RPS6KA2: variants seen among roughly 807,000 people sequenced by gnomAD.
RPS6KA2 encodes the protein ribosomal protein S6 kinase A2.
Under a neutral mutation model 91.8 loss-of-function variants are expected in RPS6KA2, and 42 were observed. The observed-to-expected ratio is 0.46, with a 90% confidence interval of 0.36 to 0.59. The LOEUF is 0.59. Among genes scored for constraint, RPS6KA2 ranks in the 20% least tolerant of loss-of-function variants. The probability of loss-of-function intolerance (pLI) is 0.00; values close to 1 mark genes in which losing one functional copy is unlikely to be tolerated. For missense variants in RPS6KA2, 798 were observed against 978.5 expected (o/e 0.82, Z 2.46); for synonymous variants, 414 against 393.6 (o/e 1.05, Z -0.61).
chr6:166,854,311 G>A (rs971140073), intron 2 of RPS6KA2, among the ~76,000 whole-genome samples: 2 of 152,156 alleles, frequency 1.3e-5, no homozygotes, highest in Non-Finnish European at 1.5e-5. Context: ...GCACAGAACC[G>A]TAACGTGAGG....
chr6:166,452,884 T>C (rs1420653342), intron 12 of RPS6KA2, among the ~76,000 whole-genome samples: 1 of 152,140 alleles, frequency 6.6e-6, no homozygotes, highest in Non-Finnish European at 1.5e-5. Flanking sequence ...CTTTAGGACA[T>C]GGGTCTAGCG....
chr6:166,831,730 T>C (rs1780186769), intron 2 of RPS6KA2, among the ~76,000 whole-genome samples: 1 of 150,748 alleles, frequency 6.6e-6, no homozygotes, highest in Admixed American at 6.6e-5. Context: ...AAATTGTATT[T>C]TACCACATCT....
chr6:166,669,589 T>C (rs1788415916), intron 2 of RPS6KA2, among the ~76,000 whole-genome samples: 1 of 152,180 alleles, frequency 6.6e-6, no homozygotes, highest in Non-Finnish European at 1.5e-5. Flanking sequence ...TGCAAGACTG[T>C]CTAGTAGCCT....
chr6:166,696,075 T>G lies in RPS6KA2; in HGVS notation c.124-157291A>C, dbSNP rs575523420. On this transcript the variant is annotated intron_variant, in intron 2 of 21. Transcript: ENST00000503859. Reference sequence around the variant, plus strand: ...CCCCTCTTCCACGGAAACATTGTCTTCCACGAAACCGGTCCCTGATGTCAA... The same window carrying G: ...CCCCTCTTCCACGGAAACATTGTCTGCCACGAAACCGGTCCCTGATGTCAA... Among the ~76,000 whole-genome samples, 448 of 152,286 alleles carry G rather than the reference T, an allele frequency of 2.9e-3. 3 individuals carry two copies. Among genetic ancestry groups the G allele is most frequent in the African/African-American group, 9.7e-3 (401 of 41,548 alleles).
At chr6:166,413,627 C>T (rs1016784628) in intron 20 of RPS6KA2, among the ~76,000 whole-genome samples, 167 bp downstream of exon 20, 6 of 152,210 alleles carry the variant, frequency 3.9e-5, no homozygotes, top group African/African-American at 9.6e-5. Context: ...CAATACTGCA[C>T]GTGTCTGGTG....
intron 1 of RPS6KA2, among the ~76,000 whole-genome samples, chr6:166,592,818 C>T (rs1038030275): frequency 6.6e-6 from 1 of 152,142 alleles, no homozygotes; most frequent in African/African-American, 2.4e-5. Flanking sequence ...ACAGATCATG[C>T]CAGCGATCTA....
In RPS6KA2 at chr6:166,831,018, C is replaced by A. The variant is rs1420145966; in HGVS notation, c.123+27182G>T. On this transcript the variant is annotated intron_variant, in intron 2 of 21. Coordinates refer to the RPS6KA2 transcript ENST00000503859. The stretch of plus-strand genomic sequence containing the variant: ...CTTCTGCAACGAAGGCCTCCCTGGA[C>A]CCCTGACTCACCACGCATGTGGCCA... Among the ~76,000 whole-genome samples, 2 of 152,174 alleles carry A rather than the reference C, an allele frequency of 1.3e-5. 1 individual carries two copies. The highest frequency in any genetic ancestry group is 2.9e-5 in the Non-Finnish European group (2 of 68,016).
At chr6:166,829,011 A>G (rs1049774199) in intron 2 of RPS6KA2, among the ~76,000 whole-genome samples, 5 of 152,222 alleles carry the variant, frequency 3.3e-5, no homozygotes, top group Non-Finnish European at 7.3e-5. Context: ...AAATAACCCA[A>G]TTAAAAAATA....
intron 14 of RPS6KA2, among the ~76,000 whole-genome samples, chr6:166,447,813 G>A (rs1259235625): frequency 6.6e-6 from 1 of 152,200 alleles, no homozygotes; most frequent in African/African-American, 2.4e-5. Flanking sequence ...ACGTGTCTGG[G>A]AATAAGCCGG....
intron 2 of RPS6KA2, among the ~76,000 whole-genome samples, chr6:166,792,517 A>C: frequency 6.6e-6 from 1 of 151,960 alleles, no homozygotes; most frequent in Non-Finnish European, 1.5e-5. Flanking sequence ...GGCCAGCATC[A>C]TAGTGATACC....
chr6:166,427,407 T>G (rs1778963805), intron 16 of RPS6KA2, among the ~76,000 whole-genome samples: 1 of 152,176 alleles, frequency 6.6e-6, no homozygotes, highest in African/African-American at 2.4e-5. Context: ...AGGGATGCCC[T>G]CTCTCATCAC....
chr6:166,500,395 G>A lies in RPS6KA2; in HGVS notation c.604+492C>T, dbSNP rs1276377215. Among the ~76,000 whole-genome samples the A allele has an allele frequency of 6.6e-6, 1 of 152,226 alleles. No individual in the cohort carries two copies. The highest frequency in any genetic ancestry group is 3.2e-3 in the Middle Eastern group (1 of 316). Reference sequence around the variant, plus strand: ...CTGCCAGGGCTCAGATGGAAACAGGGAGGGAAGTCACGTGGCCACCACCAC... The same window carrying A: ...CTGCCAGGGCTCAGATGGAAACAGGAAGGGAAGTCACGTGGCCACCACCAC... On this transcript the variant is annotated intron_variant, in intron 7 of 20. Transcript: ENST00000265678. This position sits in a 1 kb window ranked among gnomAD's most constrained non-coding sequence, Gnocchi z 4.3.
Position 166,627,103 on chromosome 6 carries a change from C to T in RPS6KA2, c.-84G>A, listed in dbSNP as rs1035987612. On this transcript the variant is annotated 5_prime_UTR_variant, in exon 1 of 21. Coordinates refer to ENST00000265678, the MANE Select transcript of RPS6KA2 (RefSeq NM_021135.6). ...CAGGCGCGGGGCTCAGGTCCGCGGG[C>T]GGGCACGCGTGGCCAGGGAGCCCGG... 15 of 1,202,574 alleles carry T rather than the reference C, an allele frequency of 1.2e-5. No homozygotes were observed. The highest frequency in any genetic ancestry group is 1.5e-5 in the Non-Finnish European group (14 of 964,854). 74.5% of individuals were successfully genotyped at this position (1,202,574 alleles called of 1,614,324 possible). A position where few individuals can be genotyped will look rare whatever the true frequency, so the allele number is the denominator to read the frequency against.
chr6:166,644,672 G>A (rs900499934), intron 2 of RPS6KA2, among the ~76,000 whole-genome samples: 1 of 152,318 alleles, frequency 6.6e-6, no homozygotes, highest in Non-Finnish European at 1.5e-5. Flanking sequence ...GGGGTTTGTG[G>A]TGTCCATGTA....
rs773211344 is a variant in RPS6KA2 at position 166,510,304 on chromosome 6, G to A, written c.352C>T (p.His118Tyr). The A allele has an allele frequency of 6.2e-7, 1 of 1,603,540 alleles. No individual in the cohort carries two copies. Among genetic ancestry groups the A allele is most frequent in the Non-Finnish European group, 8.5e-7 (1 of 1,173,446 alleles). The change falls in exon 4 of 21, where the codon CAC becomes TAC. Residue 118 changes from histidine (H) to tyrosine (Y), a missense_variant. Coordinates refer to ENST00000265678, the MANE Select transcript of RPS6KA2 (RefSeq NM_021135.6). ...MERDILAEVN[H>Y]PFIVKLHYAF... is the part of the protein sequence containing the mutation. ...TAATGAAGCTTCACAATGAAGGGGT[G>A]ATTCACTTCTGCCAAGATGTCTCTC...
chr6:166,717,998 G>A (rs370736599), intron 2 of RPS6KA2, among the ~76,000 whole-genome samples: 2 of 151,904 alleles, frequency 1.3e-5, no homozygotes, highest in Non-Finnish European at 2.9e-5. Context: ...ACAGGTGCCC[G>A]CTACCACGCC....
chr6:166,453,125 C>T (rs1235112726), intron 12 of RPS6KA2, among the ~76,000 whole-genome samples: 3 of 151,814 alleles, frequency 2.0e-5, no homozygotes, highest in Non-Finnish European at 2.9e-5. Context: ...TGCATGAACC[C>T]GGGAGGCGGA....
At chr6:166,517,513 G>C (rs1782698469) in intron 3 of RPS6KA2, among the ~76,000 whole-genome samples, 2 of 134,416 alleles carry the variant, frequency 1.5e-5, no homozygotes, top group Admixed American at 1.6e-4. Flanking sequence ...CTGTCGCCCA[G>C]GCCGGACTGC....
chr6:166,432,625 G>A (rs1779173839), intron 14 of RPS6KA2, 135 bp from the exon 15 acceptor site: 1 of 569,706 alleles, frequency 1.8e-6, no homozygotes, highest in Admixed American at 3.1e-5. Context: ...CCGACCAAGA[G>A]ATAACCTGAG....
Sources: allele counts gnomAD v4.1 joint callset (sites outside exome capture counted in the v4.1 genomes callset), GRCh38; gene constraint gnomAD v4.1.1; non-coding constraint Gnocchi (gnomAD v3.1); transcripts MANE v1.5; gene names NCBI Gene and HGNC (gene_info 2026-07-23, HGNC 2026-07-21).